Variants in TMEM132B observed in about 807,000 individuals in gnomAD.
TMEM132B encodes transmembrane protein 132B.
Under a neutral mutation model 90.8 loss-of-function variants are expected in TMEM132B, and 18 were observed. The ratio of observed to expected loss-of-function variants is 0.20; its 90% CI spans 0.14 to 0.29. The LOEUF is 0.29. TMEM132B is among the 10% of genes least tolerant of loss of function. The probability of loss-of-function intolerance (pLI) is 1.00; values close to 1 mark genes in which losing one functional copy is unlikely to be tolerated. For missense variants in TMEM132B, 1,096 were observed against 1,326.8 expected, an observed-to-expected ratio of 0.83 and a Z score of 2.70; for synonymous variants, 504 against 523.3, an observed-to-expected ratio of 0.96 and a Z score of 0.50.
Position 125,492,772 on chromosome 12 carries a change from G to A in TMEM132B, c.1107-26667G>A, listed in dbSNP as rs779826069. Among the ~76,000 whole-genome samples, 1 of 152,142 alleles carries A rather than the reference G, an allele frequency of 6.6e-6. No individual in the cohort carries two copies. The highest frequency in any genetic ancestry group is 1.5e-5 in the Non-Finnish European group (1 of 68,028). On this transcript the variant is annotated intron_variant, in intron 3 of 8. Transcript: ENST00000682704. The surrounding 1 kb of genome is among the most constrained non-coding windows in gnomAD (Gnocchi z 5.8). ...GTTGTCCACTCAGCCACTCAGCCAC[G>A]CCCGCAGATCTCACTTGGCTCCAAA...
chr12:125,201,526 G>T (rs1293471192), intron 1 of TMEM132B, among the ~76,000 whole-genome samples: 1 of 152,188 alleles, frequency 6.6e-6, no homozygotes, highest in Non-Finnish European at 1.5e-5. Context: ...GTTATATACT[G>T]TTTGCCCCTC....
At chr12:125,384,195 G>A (rs912706798) in intron 2 of TMEM132B, among the ~76,000 whole-genome samples, 11 of 151,918 alleles carry the variant, frequency 7.2e-5, no homozygotes, top group Non-Finnish European at 1.5e-4. Flanking sequence ...TGATTGCCTC[G>A]GCCTCCTCAA....
At chr12:125,437,197 C>A (rs755228007) in intron 3 of TMEM132B, among the ~76,000 whole-genome samples, 29 of 152,186 alleles carry the variant, frequency 1.9e-4, no homozygotes, top group Non-Finnish European at 4.3e-4. Context: ...TGACCCCGCT[C>A]CTCCCAGGTT....
chr12:125,265,279 A>G (rs1015964077), intron 1 of TMEM132B, among the ~76,000 whole-genome samples: 1 of 152,126 alleles, frequency 6.6e-6, no homozygotes, highest in Non-Finnish European at 1.5e-5. Flanking sequence ...GACGCCTGAA[A>G]TCACAGATGG....
chr12:125,478,494 T>C (rs555463830), intron 3 of TMEM132B, among the ~76,000 whole-genome samples: 2 of 152,236 alleles, frequency 1.3e-5, no homozygotes, highest in African/African-American at 4.8e-5. Flanking sequence ...GCTGATTTGA[T>C]CAAGTGGAAG....
At position 125,251,471 on chromosome 12, in the gene TMEM132B, A is replaced by G. The variant is rs1874315061; in HGVS notation, c.67+64605A>G. Among the ~76,000 whole-genome samples, 1 of 152,212 alleles carries G rather than the reference A, an allele frequency of 6.6e-6. No individual in the cohort carries two copies. Among genetic ancestry groups the G allele is most frequent in the Admixed American group, 6.5e-5 (1 of 15,282 alleles). Reference sequence around the variant, plus strand: ...AAACTGAAATACCTGCAGGGCTCACACAGGAAATGTATGAGAGGGAAGAAG... The same window carrying G: ...AAACTGAAATACCTGCAGGGCTCACGCAGGAAATGTATGAGAGGGAAGAAG... On this transcript the variant is annotated intron_variant, in intron 1 of 8. Coordinates refer to ENST00000682704, the MANE Select transcript of TMEM132B (RefSeq NM_001366854.1). This position sits in a 1 kb window ranked among gnomAD's most constrained non-coding sequence, Gnocchi z 4.4.
At chr12:125,443,908 G>C (rs1880938858) in intron 3 of TMEM132B, among the ~76,000 whole-genome samples, 2 of 152,024 alleles carry the variant, frequency 1.3e-5, no homozygotes, top group South Asian at 4.2e-4. Context: ...AGCTGAATTG[G>C]GAAGGGCAGG....
intron 2 of TMEM132B, among the ~76,000 whole-genome samples, chr12:125,387,644 T>C (rs931807699): frequency 2.0e-5 from 3 of 152,226 alleles, no homozygotes; most frequent in African/African-American, 7.2e-5. Flanking sequence ...ACCTACCTTG[T>C]TGGTAGTCAT....
At chr12:125,411,731 T>C (rs1879847858) in intron 2 of TMEM132B, among the ~76,000 whole-genome samples, 1 of 152,016 alleles carries the variant, frequency 6.6e-6, no homozygotes, top group Non-Finnish European at 1.5e-5. Context: ...GTTTGTGGTG[T>C]CATGGGGCCG....
At chr12:125,443,976 A>G (rs1880940811) in intron 3 of TMEM132B, among the ~76,000 whole-genome samples, 1 of 152,022 alleles carries the variant, frequency 6.6e-6, no homozygotes, top group Admixed American at 6.6e-5. Context: ...TGCCTTCACA[A>G]TGGTGGGGAA....
At chr12:125,627,954 ATCTCCAGT>A (rs1035263736) in intron 5 of TMEM132B, among the ~76,000 whole-genome samples, 1 of 152,160 alleles carries the variant, frequency 6.6e-6, no homozygotes, top group African/African-American at 2.4e-5. Context: ...TAAGATAAAG[ATCTCCAGT>A]TCCATCCATG....
At chr12:125,464,119 C>T (rs1881505777) in intron 3 of TMEM132B, among the ~76,000 whole-genome samples, 1 of 152,150 alleles carries the variant, frequency 6.6e-6, no homozygotes, top group African/African-American at 2.4e-5. Flanking sequence ...GACACAGAGC[C>T]AAATCATGTC....
chr12:125,450,528 T>C (rs1391117128), intron 3 of TMEM132B, among the ~76,000 whole-genome samples: 1 of 152,180 alleles, frequency 6.6e-6, no homozygotes, highest in East Asian at 1.9e-4. Context: ...CTTTTTGGCT[T>C]TCTCTTGTGT....
chr12:125,471,429 C>T (rs1881716711), intron 3 of TMEM132B, among the ~76,000 whole-genome samples: 2 of 152,152 alleles, frequency 1.3e-5, no homozygotes, highest in Non-Finnish European at 2.9e-5. Flanking sequence ...GTGACCATAC[C>T]CTTGCTTCCT....
At chr12:125,385,242 A>G (rs931800181) in intron 2 of TMEM132B, among the ~76,000 whole-genome samples, 4 of 152,214 alleles carry the variant, frequency 2.6e-5, no homozygotes, top group African/African-American at 7.2e-5. Context: ...AAACTAGGCA[A>G]GATCAAAGTT....
intron 4 of TMEM132B, among the ~76,000 whole-genome samples, chr12:125,548,006 C>T (rs899796206): frequency 6.6e-6 from 1 of 152,194 alleles, no homozygotes; most frequent in Non-Finnish European, 1.5e-5. Flanking sequence ...GTATTGAGAG[C>T]CCTTCAAGAA....
intron 6 of TMEM132B, 110 bp downstream of exon 6, chr12:125,644,391 C>T (rs74908572): frequency 0.048 from 58,276 of 1,211,062 alleles, 1,663 homozygotes; most frequent in Non-Finnish European, 0.059. Flanking sequence ...ACATCCACAG[C>T]GGGAAGCGTG....
In TMEM132B at chr12:125,509,602, G is replaced by T. The variant is rs539243880; in HGVS notation, c.1107-9837G>T. Among the ~76,000 whole-genome samples the T allele has an allele frequency of 1.2e-3, 180 of 152,320 alleles. 1 individual carries two copies. Among genetic ancestry groups the T allele is most frequent in the Non-Finnish European group, 2.2e-3 (153 of 68,022 alleles). ...ATCTCTGCAGGGCTAATAAGGAAAA[G>T]AATAACTTGGGTTGGCTGCGGGGAG... On this transcript the variant is annotated intron_variant, in intron 3 of 8. Coordinates refer to ENST00000682704, the MANE Select transcript of TMEM132B (RefSeq NM_001366854.1).
At chr12:125,214,398 GA>G (rs1873387660) in intron 1 of TMEM132B, among the ~76,000 whole-genome samples, 4 of 152,192 alleles carry the variant, frequency 2.6e-5, no homozygotes, top group Admixed American at 2.0e-4. Context: ...AGCCCAGCAG[GA>G]AGAGAACACC....
Sources: gnomAD v4.1 joint callset for allele counts (sites outside exome capture counted in the v4.1 genomes callset) on GRCh38, gnomAD v4.1.1 for gene constraint, Gnocchi (gnomAD v3.1) non-coding constraint, MANE v1.5 for transcripts, NCBI Gene and HGNC (gene_info 2026-07-23, HGNC 2026-07-21) for gene names.